Variants in SLC25A26 observed in about 807,000 individuals in gnomAD.
SLC25A26 encodes the protein mitochondrial S-adenosylmethionine carrier protein.
SLC25A26 carries 36 observed loss-of-function variants against 37.8 expected under a neutral mutation model. The ratio of observed to expected loss-of-function variants is 0.95; its 90% CI spans 0.73 to 1.26. The LOEUF (loss-of-function observed/expected upper bound fraction) is 1.26, where lower values mean the gene tolerates loss of function less well. SLC25A26 is among the 50% of genes most tolerant of loss of function. The pLI is 0.00. For missense variants in SLC25A26, 390 were observed against 331.1 expected, an observed-to-expected ratio of 1.18 and a Z score of -1.38; for synonymous variants, 129 against 122.5, an observed-to-expected ratio of 1.05 and a Z score of -0.35.
chr3:66,358,174 A>G (rs1260304297), intron 6 of SLC25A26, among the ~76,000 whole-genome samples: 1 of 152,216 alleles, frequency 6.6e-6, no homozygotes, highest in Non-Finnish European at 1.5e-5. Flanking sequence ...GTTTATTACA[A>G]TTCTGTTGTC....
intron 5 of SLC25A26, among the ~76,000 whole-genome samples, chr3:66,345,568 C>G (rs892563668): frequency 6.6e-6 from 1 of 150,994 alleles, no homozygotes; most frequent in Admixed American, 6.6e-5. Flanking sequence ...CTTTTCCTCT[C>G]TCCACTTTCT....
At position 66,137,032 on chromosome 3, in the gene SLC25A26, C is replaced by A. The variant is rs551792350; in HGVS notation, c.-354+3048C>A. Among the ~76,000 whole-genome samples the A allele has an allele frequency of 1.8e-4, 28 of 152,088 alleles. 1 individual carries two copies. In the South Asian group the frequency reaches 5.6e-3, roughly 30 times the overall value. Reference sequence around the variant, plus strand: ...CATTTATGATAATAGCACAAAGCTTCTTTTAAAATAAAGTTCAGTTAAAAA... The same window carrying A: ...CATTTATGATAATAGCACAAAGCTTATTTTAAAATAAAGTTCAGTTAAAAA... On this transcript the variant is annotated intron_variant, in intron 1 of 10. Transcript: ENST00000676754.
At chr3:66,205,930 G>T (rs2071170308) in intron 1 of SLC25A26, among the ~76,000 whole-genome samples, 2 of 152,148 alleles carry the variant, frequency 1.3e-5, no homozygotes, top group African/African-American at 4.8e-5. Flanking sequence ...AGTTAAAAAA[G>T]TGAGGCAGAA....
intron 5 of SLC25A26, among the ~76,000 whole-genome samples, chr3:66,342,356 C>G (rs17044320): frequency 0.28 from 43,131 of 151,914 alleles, 7,010 homozygotes; most frequent in East Asian, 0.69. Context: ...CCTAGATCAC[C>G]CGTGGTGGCA....
Position 66,166,799 on chromosome 3 carries a change from G to T in SLC25A26, c.-354+32815G>T, listed in dbSNP as rs375167489. Among the ~76,000 whole-genome samples the T allele has an allele frequency of 2.6e-4, 40 of 152,188 alleles. 1 individual carries two copies. In the East Asian group the frequency reaches 4.7e-3, roughly 18 times the overall value. On this transcript the variant is annotated intron_variant, in intron 1 of 10. Transcript: ENST00000676754. The stretch of plus-strand genomic sequence containing the variant: ...TGGAATGGCCACAGACATGAGCCTC[G>T]TCAATGATGATATAGTTTGGCTCTA...
At chr3:66,312,263 C>T (rs377069927) in intron 5 of SLC25A26, among the ~76,000 whole-genome samples, 4 of 152,160 alleles carry the variant, frequency 2.6e-5, no homozygotes, top group African/African-American at 4.8e-5. Flanking sequence ...CGAACTTCGC[C>T]GCAGCTTTGT....
intron 1 of SLC25A26, among the ~76,000 whole-genome samples, chr3:66,172,604 A>G (rs982474958): frequency 1.3e-5 from 2 of 152,170 alleles, no homozygotes; most frequent in Non-Finnish European, 2.9e-5. Flanking sequence ...TTTAAACAAC[A>G]GAAATATATT....
intron 5 of SLC25A26, among the ~76,000 whole-genome samples, chr3:66,265,560 C>T (rs1008166436): frequency 2.6e-5 from 4 of 152,228 alleles, no homozygotes; most frequent in South Asian, 4.1e-4. Flanking sequence ...TAAATATTGC[C>T]GTATTTGACC....
intron 6 of SLC25A26, among the ~76,000 whole-genome samples, chr3:66,355,289 G>A (rs2076550121): frequency 6.6e-6 from 1 of 151,870 alleles, no homozygotes; most frequent in South Asian, 2.1e-4. Context: ...TATCTAGAAT[G>A]CAAATATCTA....
At chr3:66,357,760 A>G (rs2076609667) in intron 6 of SLC25A26, among the ~76,000 whole-genome samples, 1 of 152,160 alleles carries the variant, frequency 6.6e-6, no homozygotes, top group African/African-American at 2.4e-5. Flanking sequence ...AATTCATTGT[A>G]TTAACTTCAA....
At chr3:66,141,729 G>T (rs56231001) in intron 1 of SLC25A26, among the ~76,000 whole-genome samples, 13,316 of 152,170 alleles carry the variant, frequency 0.088, 735 homozygotes, top group Middle Eastern at 0.15. Context: ...GGCCAGGCTG[G>T]TTTCGAACTC....
chr3:66,197,166 A>G (rs2071055365), intron 1 of SLC25A26, among the ~76,000 whole-genome samples: 1 of 152,186 alleles, frequency 6.6e-6, no homozygotes, highest in African/African-American at 2.4e-5. Flanking sequence ...TTGCCCCAAT[A>G]TGAATTTTTT....
intron 1 of SLC25A26, among the ~76,000 whole-genome samples, chr3:66,206,240 C>T (rs1056329224): frequency 8.2e-4 from 125 of 152,086 alleles, no homozygotes; most frequent in Non-Finnish European, 1.6e-3. Flanking sequence ...TGCAGGCGAG[C>T]CAAGCAGATA....
upstream of SLC25A26, among the ~76,000 whole-genome samples, chr3:66,219,973 G>T (rs145258164): frequency 6.7e-3 from 1,015 of 152,292 alleles, 7 homozygotes; most frequent in African/African-American, 0.022. Context: ...AAGCTATTCT[G>T]CGTATCATTT....
chr3:66,235,960 G>T (rs559884765), intron 1 of SLC25A26, among the ~76,000 whole-genome samples: 1 of 152,244 alleles, frequency 6.6e-6, no homozygotes, highest in South Asian at 2.1e-4. Flanking sequence ...CACCTGTGCT[G>T]GAGTGCAGTG....
rs1309490705 is a variant in SLC25A26 at position 66,300,251 on chromosome 3, G to GTT, written c.453+36875_453+36876dup. Reference sequence around the variant, plus strand: ...TGGACTTCTAGGCTAGGGTTTTTTTGTTTTGTTTTTTTTTTTTTTTTTGGT... The same window carrying GTT: ...TGGACTTCTAGGCTAGGGTTTTTTTGTTTTTTGTTTTTTTTTTTTTTTTTGGT... On this transcript the variant is annotated intron_variant, in intron 5 of 9. Coordinates refer to ENST00000354883, the MANE Select transcript of SLC25A26 (RefSeq NM_001379210.1). Among the ~76,000 whole-genome samples, 225 of 111,536 alleles carry GTT rather than the reference G, an allele frequency of 2.0e-3. 1 individual carries two copies. The highest frequency in any genetic ancestry group is 6.8e-3 in the African/African-American group (206 of 30,448). The allele number at this position is 111,536 out of a possible 152,430, so 73.2% of individuals were successfully genotyped here.
chr3:66,222,684 A>C (rs782256684), intron 1 of SLC25A26, among the ~76,000 whole-genome samples: 1 of 152,214 alleles, frequency 6.6e-6, no homozygotes, highest in African/African-American at 2.4e-5. Flanking sequence ...GTTCAAAATC[A>C]CACAAGTGAG....
upstream of SLC25A26, chr3:66,220,790 G>C (rs145113859): frequency 2.0e-6 from 1 of 489,058 alleles, no homozygotes; most frequent in Non-Finnish European, 3.6e-6. Flanking sequence ...CCTGGATCTC[G>C]GCCACGGATC....
chr3:66,295,280 G>A (rs1246003359), intron 5 of SLC25A26, among the ~76,000 whole-genome samples: 2 of 152,156 alleles, frequency 1.3e-5, no homozygotes, highest in African/African-American at 4.8e-5. Context: ...CTGGAGTGCA[G>A]TGGCGCGATC....
Sources: allele counts gnomAD v4.1 joint callset (sites outside exome capture counted in the v4.1 genomes callset), GRCh38; gene constraint gnomAD v4.1.1; transcripts MANE v1.5; gene names NCBI Gene and HGNC (gene_info 2026-07-23, HGNC 2026-07-21).